Variants in NKAIN3 observed in about 807,000 individuals in gnomAD.
NKAIN3 encodes the protein sodium/potassium transporting ATPase interacting 3.
NKAIN3 carries 25 observed loss-of-function variants against 30.2 expected under a neutral mutation model. That is an observed-to-expected ratio of 0.83 (90% CI 0.60 to 1.16). The LOEUF is 1.16. NKAIN3 is among the 50% of genes most tolerant of loss of function. NKAIN3 has a pLI of 0.00. For synonymous variants in NKAIN3, 91 were observed against 89.6 expected, an observed-to-expected ratio of 1.02 and a Z score of -0.09; for missense variants, 225 against 254.1, an observed-to-expected ratio of 0.89 and a Z score of 0.78.
At chr8:62,928,981 C>T (rs1263559832) in intron 5 of NKAIN3, among the ~76,000 whole-genome samples, 1 of 152,190 alleles carries the variant, frequency 6.6e-6, no homozygotes, top group Non-Finnish European at 1.5e-5. Flanking sequence ...ATCAAGCATT[C>T]AGCAAACAGA....
At chr8:62,884,329 G>T (rs1298220875) in intron 4 of NKAIN3, among the ~76,000 whole-genome samples, 3 of 151,922 alleles carry the variant, frequency 2.0e-5, no homozygotes, top group Non-Finnish European at 4.4e-5. Flanking sequence ...CGCAATCTCG[G>T]CTCACCACAA....
intron 1 of NKAIN3, among the ~76,000 whole-genome samples, chr8:62,469,658 T>C (rs1806270039): frequency 1.3e-5 from 2 of 152,304 alleles, no homozygotes; most frequent in South Asian, 4.1e-4. Context: ...ACTGAGGATA[T>C]GTAACTCACA....
chr8:62,277,781 T>G (rs1464295653), intron 1 of NKAIN3, among the ~76,000 whole-genome samples: 1 of 152,212 alleles, frequency 6.6e-6, no homozygotes, highest in Non-Finnish European at 1.5e-5. Flanking sequence ...GACTTCTGCT[T>G]CTGGCAAGGA....
At chr8:62,638,244 A>G (rs752090742) in intron 3 of NKAIN3, among the ~76,000 whole-genome samples, 21 of 152,168 alleles carry the variant, frequency 1.4e-4, no homozygotes, top group Non-Finnish European at 2.4e-4. Context: ...TTTGGATAAA[A>G]ACCCATCTCC....
chr8:62,823,215 G>T lies in NKAIN3; in HGVS notation c.471+76086G>T, dbSNP rs569563347. On this transcript the variant is annotated intron_variant, in intron 4 of 6. Transcript: ENST00000623646. Reference sequence around the variant, plus strand: ...AAACAATAAGTAATTATACTATGATGTTATGACAGCTGCAATGTCACTAGG... The same window carrying T: ...AAACAATAAGTAATTATACTATGATTTTATGACAGCTGCAATGTCACTAGG... Among the ~76,000 whole-genome samples the T allele has an allele frequency of 3.4e-4, 51 of 152,230 alleles. No homozygotes were observed. In the Middle Eastern group the frequency reaches 0.01, roughly 30 times the overall value.
intron 4 of NKAIN3, among the ~76,000 whole-genome samples, chr8:62,762,866 T>C (rs191490780): frequency 1.3e-3 from 190 of 151,870 alleles, no homozygotes; most frequent in African/African-American, 4.4e-3. Flanking sequence ...GAATAAAAAG[T>C]ACAGTACAAA....
chr8:62,916,048 G>T (rs562395993), intron 4 of NKAIN3, among the ~76,000 whole-genome samples: 11 of 152,196 alleles, frequency 7.2e-5, no homozygotes, highest in African/African-American at 2.6e-4. Context: ...ACTCTCCTAT[G>T]GTATGGAAAA....
chr8:62,252,392 G>T (rs1486782259), intron 1 of NKAIN3, among the ~76,000 whole-genome samples: 7 of 152,168 alleles, frequency 4.6e-5, no homozygotes, highest in Admixed American at 4.6e-4. Context: ...CTGAACTACT[G>T]TCTGGAGTGG....
chr8:62,798,625 A>G (rs1238920532), intron 4 of NKAIN3, among the ~76,000 whole-genome samples: 2 of 152,144 alleles, frequency 1.3e-5, no homozygotes, highest in Non-Finnish European at 2.9e-5. Context: ...ATTATGCCTA[A>G]TAGTTCAAAG....
rs373918551 is a variant in NKAIN3 at position 62,439,383 on chromosome 8, A to T, written c.55-140156A>T. The stretch of plus-strand genomic sequence containing the variant: ...CAGCTCCAGTTTCTCTGCTAGCATA[A>T]TTTTGATCCCAGCCAACCCATGCTT... On this transcript the variant is annotated intron_variant, in intron 1 of 6. Transcript: ENST00000623646. Among the ~76,000 whole-genome samples, 8 of 152,322 alleles carry T rather than the reference A, an allele frequency of 5.3e-5. 1 individual carries two copies. The highest frequency in any genetic ancestry group is 1.3e-4 in the Admixed American group (2 of 15,288).
chr8:62,998,374 C>G (rs560309456), intron 5 of NKAIN3, among the ~76,000 whole-genome samples: 2 of 152,180 alleles, frequency 1.3e-5, no homozygotes, highest in South Asian at 2.1e-4. Flanking sequence ...CCCCTGGGTT[C>G]AAGTGATTCT....
intron 1 of NKAIN3, among the ~76,000 whole-genome samples, chr8:62,302,068 C>A (rs1179281146): frequency 6.6e-6 from 1 of 152,040 alleles, no homozygotes; most frequent in Non-Finnish European, 1.5e-5. Context: ...TTCTACAAGG[C>A]TTCCAAGATG....
intron 1 of NKAIN3, among the ~76,000 whole-genome samples, chr8:62,331,152 C>T (rs920561716): frequency 3.4e-5 from 5 of 145,210 alleles, no homozygotes; most frequent in Non-Finnish European, 6.0e-5. Context: ...TCCACCCCCT[C>T]TTCCTCCCCC....
chr8:62,919,227 A>AATT (rs1822200709), intron 5 of NKAIN3, among the ~76,000 whole-genome samples: 2 of 47,186 alleles, frequency 4.2e-5, no homozygotes, highest in African/African-American at 1.8e-4. Context: ...TACTTTCAAA[A>AATT]TTTTTTTTTT....
At chr8:62,986,695 A>G (rs144025838), downstream of NKAIN3, among the ~76,000 whole-genome samples, 37 of 152,254 alleles carry the variant, frequency 2.4e-4, no homozygotes, top group Middle Eastern at 6.8e-3. Context: ...CATTGCATTT[A>G]TTATGGTACT....
intron 1 of NKAIN3, among the ~76,000 whole-genome samples, chr8:62,427,687 T>C (rs1804850424): frequency 6.6e-6 from 1 of 151,984 alleles, no homozygotes; most frequent in Non-Finnish European, 1.5e-5. Flanking sequence ...ATTTTTATAA[T>C]TCTTAAATTT....
chr8:62,613,836 T>G (rs947909712), intron 3 of NKAIN3, among the ~76,000 whole-genome samples: 1 of 152,172 alleles, frequency 6.6e-6, no homozygotes, highest in Non-Finnish European at 1.5e-5. Context: ...CAATTGCATT[T>G]TTCATCTCCA....
intron 4 of NKAIN3, among the ~76,000 whole-genome samples, chr8:62,753,281 A>G (rs765537332): frequency 4.6e-5 from 7 of 152,064 alleles, no homozygotes; most frequent in Non-Finnish European, 8.8e-5. Flanking sequence ...GAGAATGTGA[A>G]TAAAGTATTT....
intron 4 of NKAIN3, among the ~76,000 whole-genome samples, chr8:62,870,733 C>CTA (rs1194072621): frequency 7.1e-6 from 1 of 140,248 alleles, no homozygotes; most frequent in South Asian, 2.2e-4. Flanking sequence ...ATCTATATAT[C>CTA]TATATATATC....
Sources: gnomAD v4.1 joint callset for allele counts (sites outside exome capture counted in the v4.1 genomes callset) on GRCh38, gnomAD v4.1.1 for gene constraint, MANE v1.5 for transcripts, NCBI Gene and HGNC (gene_info 2026-07-23, HGNC 2026-07-21) for gene names.